FAM193A: variants seen among roughly 807,000 people sequenced by gnomAD.
FAM193A encodes the protein protein FAM193A.
FAM193A carries 22 observed loss-of-function variants against 126.5 expected under a neutral mutation model. That is an observed-to-expected ratio of 0.17 (90% CI 0.12 to 0.25). FAM193A has a LOEUF of 0.25. FAM193A is among the 10% of genes least tolerant of loss of function. The pLI is 1.00. For missense variants in FAM193A, 1,675 were observed against 1,672.8 expected (o/e 1.00, Z -0.02); for synonymous variants, 761 against 646.8 (o/e 1.18, Z -2.68).
intron 2 of FAM193A, among the ~76,000 whole-genome samples, chr4:2,622,256 CCAAAAAAAAAA>C (rs1364021376): frequency 4.0e-5 from 2 of 49,426 alleles, no homozygotes; most frequent in Non-Finnish European, 6.6e-5. Flanking sequence ...GACCCTGTCT[CCAAAAAAAAAA>C]AAAAAAAAAA....
At chr4:2,603,216 G>A (rs1741316159) in intron 2 of FAM193A, among the ~76,000 whole-genome samples, 1 of 148,622 alleles carries the variant, frequency 6.7e-6, no homozygotes. Flanking sequence ...GATGGTCTCA[G>A]TCTCGTGACC....
intron 20 of FAM193A, among the ~76,000 whole-genome samples, chr4:2,729,467 C>G (rs1168171068): frequency 6.6e-6 from 1 of 152,140 alleles, no homozygotes; most frequent in Non-Finnish European, 1.5e-5. Flanking sequence ...CTCGAGTTGC[C>G]CACTTGGCCT....
Position 2,578,629 on chromosome 4 carries a change from C to T in FAM193A, c.256-17455C>T, listed in dbSNP as rs560560536. Reference sequence around the variant, plus strand: ...TGACCCCATTGTGGAGTCAGAAATTCGCTTATACCTTTCAACTCTCCAAAA... The same window carrying T: ...TGACCCCATTGTGGAGTCAGAAATTTGCTTATACCTTTCAACTCTCCAAAA... On this transcript the variant is annotated intron_variant, in intron 1 of 20. Coordinates refer to ENST00000637812, the MANE Select transcript of FAM193A (RefSeq NM_001366318.2). Among the ~76,000 whole-genome samples the T allele has an allele frequency of 2.0e-5, 3 of 152,128 alleles. No homozygotes were observed. In the East Asian group the frequency reaches 5.8e-4, roughly 29 times the overall value.
chr4:2,702,709 T>A (rs1717870500), intron 19 of FAM193A, among the ~76,000 whole-genome samples: 2 of 152,228 alleles, frequency 1.3e-5, no homozygotes, highest in African/African-American at 2.4e-5. Flanking sequence ...CATGGTGCCT[T>A]TACTGACTTG....
At chr4:2,728,156 C>T (rs1274902569) in intron 20 of FAM193A, among the ~76,000 whole-genome samples, 3 of 151,762 alleles carry the variant, frequency 2.0e-5, no homozygotes, top group Non-Finnish European at 2.9e-5. Context: ...GTCTCGAACT[C>T]CCGACCTCGG....
chr4:2,619,579 G>A lies in FAM193A; in HGVS notation c.502-5683G>A, dbSNP rs370002521. On this transcript the variant is annotated intron_variant, in intron 2 of 20. Transcript: ENST00000637812. ...GATGGGGTTTCCTCATGTTGGCCAG[G>A]CTGCTCTCGAATTCCTGACCTCAGG... Among the ~76,000 whole-genome samples the A allele has an allele frequency of 4.6e-5, 7 of 152,026 alleles. No individual in the cohort carries two copies. The East Asian group carries it at 1.4e-3, about 29-fold the overall frequency.
At chr4:2,572,928 C>T (rs982069120) in intron 1 of FAM193A, among the ~76,000 whole-genome samples, 2 of 151,884 alleles carry the variant, frequency 1.3e-5, no homozygotes, top group Non-Finnish European at 2.9e-5. Flanking sequence ...TTGAACGTAG[C>T]AGGATCAAAG....
At chr4:2,624,948 C>G (rs1398924472) in intron 2 of FAM193A, among the ~76,000 whole-genome samples, 3 of 152,178 alleles carry the variant, frequency 2.0e-5, no homozygotes, top group Non-Finnish European at 4.4e-5. Context: ...GCCTCAACTT[C>G]CCAGGCTCAA....
intron 1 of FAM193A, among the ~76,000 whole-genome samples, chr4:2,591,967 A>C (rs1269232767): frequency 1.3e-5 from 2 of 152,144 alleles, no homozygotes; most frequent in African/African-American, 4.8e-5. Context: ...CCTATGCAAA[A>C]ATTTCTGGGT....
intron 19 of FAM193A, among the ~76,000 whole-genome samples, chr4:2,706,392 G>A (rs930728727): frequency 2.0e-5 from 3 of 149,838 alleles, no homozygotes; most frequent in Non-Finnish European, 4.4e-5. Flanking sequence ...TGCCTCCTGG[G>A]TTCAAGCGAT....
At chr4:2,552,688 C>T (rs1738009013) in intron 1 of FAM193A, among the ~76,000 whole-genome samples, 1 of 151,802 alleles carries the variant, frequency 6.6e-6, no homozygotes. Context: ...CAGGCGCCCA[C>T]CACCATTCCT....
chr4:2,575,708 C>T (rs186795467), intron 1 of FAM193A, among the ~76,000 whole-genome samples: 10 of 152,086 alleles, frequency 6.6e-5, no homozygotes, highest in Non-Finnish European at 1.3e-4. Context: ...CTCAGGGGAT[C>T]TGCCTGCCTC....
intron 1 of FAM193A, among the ~76,000 whole-genome samples, chr4:2,575,511 G>C (rs1359115483): frequency 6.8e-6 from 1 of 148,132 alleles, no homozygotes; most frequent in Non-Finnish European, 1.5e-5. Flanking sequence ...CTGTCACCCA[G>C]GTTGGAGTGC....
intron 2 of FAM193A, among the ~76,000 whole-genome samples, chr4:2,619,349 C>T (rs886938219): frequency 6.6e-6 from 1 of 152,012 alleles, no homozygotes; most frequent in Non-Finnish European, 1.5e-5. Flanking sequence ...GTCACCCAGG[C>T]TGGACTGCAG....
At chr4:2,582,720 T>C (rs915622148) in intron 1 of FAM193A, among the ~76,000 whole-genome samples, 5 of 152,144 alleles carry the variant, frequency 3.3e-5, no homozygotes, top group Non-Finnish European at 7.3e-5. Flanking sequence ...TTATTTGCTG[T>C]GTGTTATGCA....
rs979824571 is a variant in FAM193A, at chr4:2,596,178, T to A, written c.350T>A (p.Phe117Tyr). 6 of 702,860 alleles carry A rather than the reference T, an allele frequency of 8.5e-6. No individual in the cohort carries two copies. The East Asian group carries it at 1.6e-4, about 19-fold the overall frequency. The allele number at this position is 702,860 out of a possible 1,614,324, so 43.5% of individuals were successfully genotyped here. Residue 117 changes from phenylalanine (F) to tyrosine (Y), a missense_variant, in exon 2 of 21, where the codon TTC (phenylalanine) becomes TAC (tyrosine). Phe to Tyr is a conservative substitution (Grantham distance 22). Transcript: ENST00000637812. ...AGAAGTGAACGGAAAGACTCATCAT[T>A]CTTAGAGAGTGGAATTAAGACTGCG... The part of the protein sequence containing the change: ...LCRSERKDSS[F>Y]LESGIKTASK...
chr4:2,605,110 A>G (rs1179023964), intron 2 of FAM193A, among the ~76,000 whole-genome samples: 1 of 151,932 alleles, frequency 6.6e-6, no homozygotes, highest in Non-Finnish European at 1.5e-5. Context: ...TGCCCAGGCG[A>G]GAGTCTGCAT....
At chr4:2,606,305 C>T (rs1358472106) in intron 2 of FAM193A, among the ~76,000 whole-genome samples, 1 of 152,108 alleles carries the variant, frequency 6.6e-6, no homozygotes, top group African/African-American at 2.4e-5. Flanking sequence ...CCACCTCTGT[C>T]TCCCAAAGTG....
At chr4:2,569,862 G>C (rs1464982967) in intron 1 of FAM193A, among the ~76,000 whole-genome samples, 2 of 152,042 alleles carry the variant, frequency 1.3e-5, no homozygotes, top group Non-Finnish European at 2.9e-5. Flanking sequence ...AGTATTACCT[G>C]GAATTTGGTC....
Sources: gnomAD v4.1 joint callset for allele counts (sites outside exome capture counted in the v4.1 genomes callset) on GRCh38, gnomAD v4.1.1 for gene constraint, MANE v1.5 for transcripts, NCBI Gene and HGNC (gene_info 2026-07-23, HGNC 2026-07-21) for gene names.